The following ETV6 variants were observed in gnomAD, a reference collection of about 807,000 sequenced individuals.
ETV6 encodes the protein transcription factor ETV6.
In ETV6, 16 loss-of-function variants were observed where a neutral mutation model predicts 51.1. The observed-to-expected ratio is 0.31, with a 90% CI of 0.21 to 0.48. The LOEUF is 0.48. ETV6 is among the 20% of genes least tolerant of loss of function. The probability of loss-of-function intolerance (pLI) is 0.99; values close to 1 mark genes in which losing one functional copy is unlikely to be tolerated. For synonymous variants in ETV6, 240 were observed against 224.1 expected (o/e 1.07, Z -0.64); for missense variants, 458 against 594.8 (o/e 0.77, Z 2.39).
chr12:11,852,447 G>A (rs921300903), intron 3 of ETV6, among the ~76,000 whole-genome samples: 16 of 152,032 alleles, frequency 1.1e-4, no homozygotes, highest in African/African-American at 3.6e-4. Flanking sequence ...ACCTCTAACC[G>A]GACTTGTGAA....
intron 6 of ETV6, among the ~76,000 whole-genome samples, chr12:11,884,875 C>T (rs1199876393): frequency 1.3e-5 from 2 of 152,172 alleles, no homozygotes; most frequent in African/African-American, 2.4e-5. Flanking sequence ...ATCCCGCCAC[C>T]TCCACTGTTG....
intron 3 of ETV6, among the ~76,000 whole-genome samples, chr12:11,853,120 G>C (rs935424463): frequency 6.6e-6 from 1 of 152,222 alleles, no homozygotes; most frequent in African/African-American, 2.4e-5. Context: ...CTGGGAGGTG[G>C]AGGTTGTAGT....
intron 7 of ETV6, among the ~76,000 whole-genome samples, chr12:11,889,652 G>A (rs534094550): frequency 1.3e-5 from 2 of 152,316 alleles, no homozygotes; most frequent in East Asian, 3.9e-4. Context: ...GGGAGAGCAT[G>A]CGCCATGATT....
At chr12:11,671,713 T>C (rs146841845) in intron 1 of ETV6, among the ~76,000 whole-genome samples, 2,489 of 152,316 alleles carry the variant, frequency 0.016, 26 homozygotes, top group Non-Finnish European at 0.025. Context: ...TTAAGTGACC[T>C]ACTGAAGGTC....
chr12:11,699,123 G>T (rs1461773880), intron 1 of ETV6, among the ~76,000 whole-genome samples: 2 of 152,156 alleles, frequency 1.3e-5, no homozygotes, highest in Admixed American at 1.3e-4. Context: ...GTAATAGGTT[G>T]CCCCTTTCAA....
intron 4 of ETV6, among the ~76,000 whole-genome samples, chr12:11,866,966 C>G (rs1489034617): frequency 6.6e-6 from 1 of 152,224 alleles, no homozygotes; most frequent in African/African-American, 2.4e-5. Flanking sequence ...TTCTGTTTAT[C>G]TTCTAACTGC....
chr12:11,709,832 G>T lies in ETV6; in HGVS notation c.34-42618G>T, dbSNP rs906012817. On this transcript the variant is annotated intron_variant, in intron 1 of 7. Coordinates refer to ENST00000396373, the MANE Select transcript of ETV6 (RefSeq NM_001987.5). ...CACTGCACCACCGGCTCTTCTCTGG[G>T]TCTCCAGCCTGCTGGCACATCTTGC... Among the ~76,000 whole-genome samples, 13 of 152,302 alleles carry T rather than the reference G, an allele frequency of 8.5e-5. No homozygotes were observed. The South Asian group carries it at 1.4e-3, about 17-fold the overall frequency.
chr12:11,877,613 C>T (rs1227755030), intron 5 of ETV6, among the ~76,000 whole-genome samples: 3 of 152,158 alleles, frequency 2.0e-5, no homozygotes, highest in Non-Finnish European at 4.4e-5. Context: ...CAGGGAGATG[C>T]CCTTCTGTAG....
intron 1 of ETV6, among the ~76,000 whole-genome samples, chr12:11,729,427 G>A (rs541617374): frequency 9.9e-5 from 15 of 152,272 alleles, no homozygotes; most frequent in African/African-American, 3.6e-4. Context: ...AGGTGGGGGG[G>A]ACTGGGCTGC....
At chr12:11,791,748 G>A (rs1277648808) in intron 2 of ETV6, among the ~76,000 whole-genome samples, 1 of 89,802 alleles carries the variant, frequency 1.1e-5, no homozygotes, top group Admixed American at 1.1e-4. Flanking sequence ...CTATATAAGT[G>A]TTCATTGATA....
chr12:11,873,484 C>CTACCGAGGAGGCTGAGG lies in ETV6; in HGVS notation c.1009+3516_1009+3517insACCGAGGAGGCTGAGGT, dbSNP rs1565561997. On this transcript the variant is annotated intron_variant, in intron 5 of 7. Coordinates refer to ENST00000396373, the MANE Select transcript of ETV6 (RefSeq NM_001987.5). ...AAGCCTTTAAATCTCCGTAAAGCAG[C>CTACCGAGGAGGCTGAGG]TGTTAGATGAGAAAACTTAGTTCCT... 5.0e-4 allele frequency among the ~76,000 whole-genome samples: 58 copies of CTACCGAGGAGGCTGAGG among 116,026 alleles called. 6 individuals carry two copies. The highest frequency in any genetic ancestry group is 2.2e-3 in the East Asian group (4 of 1,848). 76.1% of individuals were successfully genotyped at this position (116,026 alleles called of 152,430 possible).
At chr12:11,801,627 T>TA (rs1394803912) in intron 2 of ETV6, among the ~76,000 whole-genome samples, 1 of 152,196 alleles carries the variant, frequency 6.6e-6, no homozygotes, top group Admixed American at 6.5e-5. Flanking sequence ...AATGATACCT[T>TA]ACGGTTTACC....
At chr12:11,723,973 G>A (rs1865441160) in intron 1 of ETV6, among the ~76,000 whole-genome samples, 1 of 151,386 alleles carries the variant, frequency 6.6e-6, no homozygotes, top group Admixed American at 6.6e-5. Context: ...GGAAGAACAG[G>A]GCCTTTAAAG....
intron 2 of ETV6, among the ~76,000 whole-genome samples, chr12:11,784,350 C>T (rs2136374123): frequency 6.6e-6 from 1 of 151,890 alleles, no homozygotes. Context: ...TCACTTGAAC[C>T]TGGGAGGCTG....
chr12:11,773,447 T>C (rs879799330), intron 2 of ETV6, among the ~76,000 whole-genome samples: 27 of 152,336 alleles, frequency 1.8e-4, no homozygotes, highest in Middle Eastern at 3.4e-3. Context: ...TTTGAGAACA[T>C]GGTTTCCTTA....
intron 2 of ETV6, among the ~76,000 whole-genome samples, chr12:11,829,863 T>C (rs1420649472): frequency 6.6e-6 from 1 of 152,188 alleles, no homozygotes; most frequent in African/African-American, 2.4e-5. Flanking sequence ...GGAAATGTTT[T>C]GGAACTTCCA....
intron 1 of ETV6, chr12:11,716,856 C>G (rs900380751): frequency 6.6e-6 from 1 of 152,232 alleles, no homozygotes; most frequent in East Asian, 1.9e-4. Context: ...CCTCTGTGGC[C>G]TTCAAACAGT....
chr12:11,701,373 T>C (rs536573134), intron 1 of ETV6, among the ~76,000 whole-genome samples: 1 of 152,298 alleles, frequency 6.6e-6, no homozygotes, highest in Admixed American at 6.5e-5. Flanking sequence ...GTAAGTGGAA[T>C]CTCATTTGAC....
At chr12:11,739,656 A>T (rs1029532912) in intron 1 of ETV6, among the ~76,000 whole-genome samples, 6 of 152,216 alleles carry the variant, frequency 3.9e-5, no homozygotes, top group African/African-American at 1.2e-4. Flanking sequence ...AAGACTTAGT[A>T]TGAAAAAAAC....
Sources: gnomAD v4.1 joint callset for allele counts (sites outside exome capture counted in the v4.1 genomes callset) on GRCh38, gnomAD v4.1.1 for gene constraint, MANE v1.5 for transcripts, NCBI Gene and HGNC (gene_info 2026-07-23, HGNC 2026-07-21) for gene names.